The following HACL2 variants were observed in gnomAD, a reference collection of about 807,000 sequenced individuals.
HACL2 encodes the protein 2-hydroxyacyl-CoA lyase 2, also known as 2-hydroxyacyl-CoA lyase 1 like.
chr19:15,116,634 G>A, the HACL2 span: 2 of 810,628 alleles, frequency 2.5e-6, no homozygotes, highest in Non-Finnish European at 4.0e-6. Context: ...AGGCAGACGG[G>A]AAGCAGGCCA....
At chr19:15,117,724 G>GT in the HACL2 span, 2 of 704,514 alleles carry the variant, frequency 2.8e-6, no homozygotes, top group Non-Finnish European at 4.7e-6. Flanking sequence ...GCATTCATCA[G>GT]TTTGAGAGCC....
At chr19:15,118,010 C>T in the HACL2 span, 1 of 1,613,988 alleles carries the variant, frequency 6.2e-7, no homozygotes, top group Non-Finnish European at 8.5e-7. Context: ...AAGTCACACA[C>T]AGTTCCTGGT....
At chr19:15,125,706 T>G in the HACL2 span, 1 of 152,400 alleles carries the variant, frequency 6.6e-6, no homozygotes, top group Admixed American at 6.5e-5. Context: ...GCCCCCTCCG[T>G]GTCACGTGAC....
the HACL2 span, chr19:15,125,329 A>C: frequency 2.0e-6 from 1 of 488,316 alleles, no homozygotes; most frequent in South Asian, 2.9e-5. Flanking sequence ...CAAACTAGCC[A>C]CCACAAGTCA....
chr19:15,122,833 A>G, the HACL2 span: 34 of 1,613,822 alleles, frequency 2.1e-5, no homozygotes, highest in East Asian at 2.9e-4. The surrounding 1 kb of genome is among the most constrained non-coding windows in gnomAD (Gnocchi z 4.0). Context: ...CGCTGAGTCC[A>G]TAACATGTCC....
chr19:15,119,144 A>G, the HACL2 span: 1 of 1,524,042 alleles, frequency 6.6e-7, no homozygotes, highest in Non-Finnish European at 8.8e-7. Context: ...GGAAGGAGGG[A>G]AAGGAAGAGG....
At chr19:15,121,109 A>C in the HACL2 span, among the ~76,000 whole-genome samples, 1 of 152,014 alleles carries the variant, frequency 6.6e-6, no homozygotes, top group South Asian at 2.1e-4. Flanking sequence ...AAATACAAAA[A>C]TTAGCTGGGT....
At chr19:15,123,110 G>A in the HACL2 span, 8 of 1,613,314 alleles carry the variant, frequency 5.0e-6, no homozygotes, top group South Asian at 3.3e-5. This position sits in a 1 kb window ranked among gnomAD's most constrained non-coding sequence, Gnocchi z 5.1. Context: ...CCCAAGGACT[G>A]GGTACCTGCA....
At chr19:15,122,240 C>T in the HACL2 span, among the ~76,000 whole-genome samples, 1 of 152,138 alleles carries the variant, frequency 6.6e-6, no homozygotes, top group South Asian at 2.1e-4. The surrounding 1 kb of genome is among the most constrained non-coding windows in gnomAD (Gnocchi z 4.0). Context: ...TGACTTTGGG[C>T]AAGTGACTTC....
chr19:15,116,258 C>T, the HACL2 span: 5 of 1,613,934 alleles, frequency 3.1e-6, no homozygotes, highest in Non-Finnish European at 4.2e-6. Context: ...GTAGCGTTTC[C>T]TCCACCAGCT....
At chr19:15,119,851 A>C in the HACL2 span, 1 of 656,312 alleles carries the variant, frequency 1.5e-6, no homozygotes, top group African/African-American at 1.8e-5. Flanking sequence ...GCGTCCAGCC[A>C]AAGGGCCGCC....
the HACL2 span, among the ~76,000 whole-genome samples, chr19:15,120,971 C>T: frequency 2.0e-5 from 3 of 152,106 alleles, no homozygotes; most frequent in Non-Finnish European, 2.9e-5. Flanking sequence ...AAGAGATAGC[C>T]TTGTGAGAGG....
chr19:15,115,814 C>G, the HACL2 span: 1 of 1,608,098 alleles, frequency 6.2e-7, no homozygotes, highest in African/African-American at 1.3e-5. Flanking sequence ...TCCCAGAACC[C>G]CAGGCCCTAA....
the HACL2 span, chr19:15,116,788 G>A: frequency 1.9e-5 from 9 of 469,232 alleles, no homozygotes; most frequent in South Asian, 8.8e-5. Flanking sequence ...AGCTGGCCTC[G>A]TCCCCTCCCT....
At chr19:15,123,045 G>A in the HACL2 span, 1 of 1,607,274 alleles carries the variant, frequency 6.2e-7, no homozygotes, top group Non-Finnish European at 8.5e-7. This position sits in a 1 kb window ranked among gnomAD's most constrained non-coding sequence, Gnocchi z 5.1. Context: ...CAAAGACAGA[G>A]GTGTGGCAGG....
the HACL2 span, among the ~76,000 whole-genome samples, chr19:15,121,491 G>T: frequency 6.6e-6 from 1 of 152,220 alleles, no homozygotes; most frequent in African/African-American, 2.4e-5. Flanking sequence ...AGAAGAGGAA[G>T]AGGAGGAGGA....
the HACL2 span, chr19:15,123,368 C>T: frequency 6.2e-7 from 1 of 1,612,224 alleles, no homozygotes; most frequent in Admixed American, 1.7e-5. This position sits in a 1 kb window ranked among gnomAD's most constrained non-coding sequence, Gnocchi z 5.1. Flanking sequence ...CTCTGCAATG[C>T]CCTCACCGGA....
chr19:15,115,702 C>G, the HACL2 span: 167 of 1,601,028 alleles, frequency 1.0e-4, no homozygotes, highest in East Asian at 3.2e-3. Context: ...CAGGCCGCAG[C>G]CTTCAGCCCC....
chr19:15,115,157 T>C, the HACL2 span: 1 of 1,438,854 alleles, frequency 6.9e-7, no homozygotes, highest in East Asian at 2.3e-5. Context: ...CTGGGCCTCA[T>C]GGGATAGGCC....
Sources: gnomAD v4.1 joint callset for allele counts (sites outside exome capture counted in the v4.1 genomes callset) on GRCh38, gnomAD v4.1.1 for gene constraint, Gnocchi (gnomAD v3.1) non-coding constraint, MANE v1.5 for transcripts, NCBI Gene and HGNC (gene_info 2026-07-23, HGNC 2026-07-21) for gene names.